GCN1: variants seen among roughly 807,000 people sequenced by gnomAD.
GCN1 encodes GCN1 activator of EIF2AK4, also known as stalled ribosome sensor GCN1.
A neutral mutation model predicts 288.4 loss-of-function variants in GCN1; 90 were observed. The observed-to-expected ratio is 0.31, with a 90% CI of 0.26 to 0.37. The LOEUF is 0.37. GCN1 is among the 10% of genes least tolerant of loss of function. GCN1 has a pLI of 1.00. For missense variants in GCN1, 2,586 were observed against 3,419.9 expected, an observed-to-expected ratio of 0.76 and a Z score of 6.08; for synonymous variants, 1,386 against 1,420.2, an observed-to-expected ratio of 0.98 and a Z score of 0.54.
intron 39 of GCN1, 24 bp downstream of exon 39, chr12:120,145,238 T>TC: frequency 6.3e-7 from 1 of 1,575,162 alleles, no homozygotes; most frequent in Non-Finnish European, 8.6e-7. Flanking sequence ...GCCTGGCCCA[T>TC]CCCCCAGCCT....
chr12:120,193,767 A>G (rs1487648693), intron 1 of GCN1, among the ~76,000 whole-genome samples: 1 of 152,192 alleles, frequency 6.6e-6, no homozygotes, highest in African/African-American at 2.4e-5. Flanking sequence ...TCTTTCTAGT[A>G]TTCAGTACAA....
At chr12:120,181,489 A>AAAAAAGTC in intron 5 of GCN1, among the ~76,000 whole-genome samples, 1 of 146,070 alleles carries the variant, frequency 6.8e-6, no homozygotes, top group Non-Finnish European at 1.5e-5. Flanking sequence ...AAAAAAAAGA[A>AAAAAAGTC]GTCTGCAGAA....
rs80028628 is a variant in GCN1 at position 120,173,627 on chromosome 12, G to A, written c.1366+26C>T. 1,112 of 1,464,444 alleles carry A rather than the reference G, an allele frequency of 7.6e-4. 8 individuals are homozygous for A. The African/African-American group carries it at 0.014, about 18-fold the overall frequency. The allele number at this position is 1,464,444 out of a possible 1,614,324, so 90.7% of individuals were successfully genotyped here. ...TCAGTAACCTCTGCAAGGAGACCTG[G>A]ACACTAGCCCTGGGAGTTGTCTTAC... On this transcript the variant is annotated intron_variant, in intron 14 of 57. Transcript: ENST00000300648.
chr12:120,160,873 T>A (rs1877903072), intron 22 of GCN1, among the ~76,000 whole-genome samples: 1 of 152,188 alleles, frequency 6.6e-6, no homozygotes, highest in Non-Finnish European at 1.5e-5. Flanking sequence ...TGGGTTATGA[T>A]AAATGTTAGT....
rs1217901490 is a variant in GCN1 at position 120,129,341 on chromosome 12, TGAC to T, written c.7822_7824del (p.Val2608del). 6.2e-7 allele frequency: 1 copy of T among 1,614,066 alleles called. No homozygotes were observed. Among genetic ancestry groups the T allele is most frequent in the Non-Finnish European group, 8.5e-7 (1 of 1,180,022 alleles). On this transcript the variant is annotated inframe_deletion, in exon 57 of 58. Transcript: ENST00000300648. ...ACAATTGCCTGGTCGCTGTAGGCCC[TGAC>T]CACGGTGTTCTTATCCTTGGTGTTG...
chr12:120,162,688 T>C (rs1877968463), intron 20 of GCN1, among the ~76,000 whole-genome samples, 159 bp downstream of exon 20: 1 of 152,246 alleles, frequency 6.6e-6, no homozygotes, highest in Admixed American at 6.5e-5. Flanking sequence ...AGTTCCCTTT[T>C]GTGCTTAAAC....
At chr12:120,169,297 A>AC (rs1878241106) in intron 15 of GCN1, among the ~76,000 whole-genome samples, 1 of 77,352 alleles carries the variant, frequency 1.3e-5, no homozygotes, top group African/African-American at 1.2e-4. Context: ...AAAAAAAAAG[A>AC]AAAAAAAAAA....
chr12:120,154,587 C>T (rs1877678204), intron 31 of GCN1, among the ~76,000 whole-genome samples: 1 of 152,198 alleles, frequency 6.6e-6, no homozygotes, highest in African/African-American at 2.4e-5. Context: ...TTGTGCCCTG[C>T]ATATAGATGA....
chr12:120,160,840 C>G (rs897467535), intron 22 of GCN1, among the ~76,000 whole-genome samples: 2 of 152,182 alleles, frequency 1.3e-5, no homozygotes, highest in African/African-American at 4.8e-5. Context: ...AACAAGTCAA[C>G]AAGCACATAA....
chr12:120,178,836 C>G lies in GCN1; in HGVS notation c.525+16G>C. ...ATGGAAGAAGCAATGCCCACCAGCC[C>G]CTGCAGTCCTGTCACCTCTTTCCAC... On this transcript the variant is annotated intron_variant, in intron 6 of 57. Transcript: ENST00000300648. The G allele has an allele frequency of 6.2e-7, 1 of 1,613,446 alleles. No individual in the cohort carries two copies. The highest frequency in any genetic ancestry group is 1.3e-5 in the African/African-American group (1 of 75,044).
chr12:120,169,120 CCT>C (rs1330800414), intron 15 of GCN1, among the ~76,000 whole-genome samples: 1 of 151,910 alleles, frequency 6.6e-6, no homozygotes, highest in East Asian at 1.9e-4. Context: ...ACGATGAAAC[CCT>C]GTCTCTACTA....
chr12:120,175,181 C>G lies in GCN1; in HGVS notation c.1074G>C (p.Gln358His). ...CTATACCTGAGAGGACGCTCATCTT[C>G]TGGGCTACAACAGTTAGTTTTCCTT... ...GSEGKLTVVA[Q>H]KMSVLSGIGS... Residue 358 changes from glutamine (Q) to histidine (H), a missense_variant, in exon 12 of 58, where the codon CAG (glutamine) becomes CAC (histidine). Coordinates refer to ENST00000300648, the MANE Select transcript of GCN1 (RefSeq NM_006836.2). The G allele has an allele frequency of 2.0e-6, 3 of 1,533,126 alleles. No individual in the cohort carries two copies. Among genetic ancestry groups the G allele is most frequent in the Non-Finnish European group, 2.7e-6 (3 of 1,115,706 alleles). The allele number at this position is 1,533,126 out of a possible 1,614,324, so 95.0% of individuals were successfully genotyped here. A position where few individuals can be genotyped will look rare whatever the true frequency, so the allele number is the denominator to read the frequency against.
rs1237649444 is a variant in GCN1 at position 120,166,927 on chromosome 12, C to A, written c.1612+1281G>T. On this transcript the variant is annotated intron_variant, in intron 16 of 57. Coordinates refer to ENST00000300648, the MANE Select transcript of GCN1 (RefSeq NM_006836.2). ...TACTCAGGAAGCTGAGGTGGGAGGA[C>A]CACCTGAGACCAGGGAGGTCGAGGC... Among the ~76,000 whole-genome samples, 5 of 151,300 alleles carry A rather than the reference C, an allele frequency of 3.3e-5. No individual in the cohort carries two copies. In the South Asian group the frequency reaches 8.3e-4, roughly 25 times the overall value.
In GCN1 at chr12:120,190,200, G is replaced by A; in HGVS notation, c.121+98C>T. On this transcript the variant is annotated intron_variant, in intron 2 of 57. Transcript: ENST00000300648. The stretch of plus-strand genomic sequence containing the variant: ...AGATCGTGCCATTGCACTTCAGCCA[G>A]GGCAACAGTGAGAGACTCTGTCTCA... The A allele has an allele frequency of 7.3e-6, 5 of 685,730 alleles. No homozygotes were observed. The South Asian group carries it at 9.1e-5, about 12-fold the overall frequency. 42.5% of individuals were successfully genotyped at this position (685,730 alleles called of 1,614,324 possible). A position where few individuals can be genotyped will look rare whatever the true frequency, so the allele number is the denominator to read the frequency against.
At chr12:120,143,372 C>T (rs1421297156) in intron 42 of GCN1, among the ~76,000 whole-genome samples, 2 of 152,070 alleles carry the variant, frequency 1.3e-5, no homozygotes, top group East Asian at 1.9e-4. Flanking sequence ...CACCTGAGGT[C>T]GGGGGTTCGA....
At chr12:120,164,998 T>TAC (rs1172947677) in intron 16 of GCN1, among the ~76,000 whole-genome samples, 6 of 64,676 alleles carry the variant, frequency 9.3e-5, no homozygotes, top group African/African-American at 3.1e-4. Context: ...TATATACACA[T>TAC]ATATACACAC....
Position 120,161,600 on chromosome 12 carries a change from G to A in GCN1, c.2343-17C>T. 6.3e-7 allele frequency: 1 copy of A among 1,581,072 alleles called. No individual in the cohort carries two copies. Among genetic ancestry groups the A allele is most frequent in the Non-Finnish European group, 8.7e-7 (1 of 1,150,446 alleles). On this transcript the variant is annotated splice_polypyrimidine_tract_variant and intron_variant, in intron 21 of 57. Coordinates refer to ENST00000300648, the MANE Select transcript of GCN1 (RefSeq NM_006836.2). ...TGCTGGGCACTGAAACACCAGAGTGGGTCATCAGCCAGCTTGAAAAGCACC... is the reference window on the plus strand; with the variant it reads ...TGCTGGGCACTGAAACACCAGAGTGAGTCATCAGCCAGCTTGAAAAGCACC...
intron 1 of GCN1, among the ~76,000 whole-genome samples, chr12:120,190,663 GC>G (rs1878975166): frequency 6.6e-6 from 1 of 152,040 alleles, no homozygotes; most frequent in Admixed American, 6.6e-5. Context: ...CTCCTGGCAG[GC>G]AAAATCACTC....
rs1329172379 is a variant in GCN1 at position 120,130,221 on chromosome 12, G to T, written c.7671+425C>A. Reference sequence around the variant, plus strand: ...ATATCACACGGGCCACAGGAGCCCTGCTGGCACATTCCTTGGCTTTCCTAA... The same window carrying T: ...ATATCACACGGGCCACAGGAGCCCTTCTGGCACATTCCTTGGCTTTCCTAA... On this transcript the variant is annotated intron_variant, in intron 56 of 57. Transcript: ENST00000300648. 3.3e-5 allele frequency among the ~76,000 whole-genome samples: 5 copies of T among 152,190 alleles called. No homozygotes were observed. In the East Asian group the frequency reaches 9.6e-4, roughly 29 times the overall value.
Sources: allele counts gnomAD v4.1 joint callset (sites outside exome capture counted in the v4.1 genomes callset), GRCh38; gene constraint gnomAD v4.1.1; transcripts MANE v1.5; gene names NCBI Gene and HGNC (gene_info 2026-07-23, HGNC 2026-07-21).